Variants in CSDE1 observed in about 807,000 individuals in gnomAD.
CSDE1 encodes cold shock domain-containing protein E1.
In CSDE1, 17 loss-of-function variants were observed where a neutral mutation model predicts 89.3. The ratio of observed to expected loss-of-function variants is 0.19; its 90% confidence interval spans 0.13 to 0.29. CSDE1 has a LOEUF of 0.29. CSDE1 is among the 10% of genes least tolerant of loss of function. CSDE1 has a pLI of 1.00. For missense variants in CSDE1, 672 were observed against 984.2 expected (o/e 0.68, Z 4.24); for synonymous variants, 322 against 332.8 (o/e 0.97, Z 0.35).
At chr1:114,728,394 A>G (rs1047028430) in intron 12 of CSDE1, among the ~76,000 whole-genome samples, 7 of 152,216 alleles carry the variant, frequency 4.6e-5, no homozygotes, top group African/African-American at 1.7e-4. Context: ...TATACATCAA[A>G]TATATTAAAT....
chr1:114,745,168 G>A (rs1660948520), intron 2 of CSDE1, among the ~76,000 whole-genome samples: 2 of 152,090 alleles, frequency 1.3e-5, no homozygotes. Flanking sequence ...TTTTAGAAAT[G>A]CAATTTAGCA....
rs548000216 is a variant in CSDE1 at position 114,723,817 on chromosome 1, A to T, written c.1873+66T>A. 8 of 1,605,202 alleles carry T rather than the reference A, an allele frequency of 5.0e-6. No individual in the cohort carries two copies. In the East Asian group the frequency reaches 1.6e-4, roughly 31 times the overall value. ...CAACTGCAATAAGCACCATATTTTAAAACTTTATAGGTGCTCATCTGAAGT... is the reference window on the plus strand; with the variant it reads ...CAACTGCAATAAGCACCATATTTTATAACTTTATAGGTGCTCATCTGAAGT... On this transcript the variant is annotated intron_variant, in intron 16 of 19. Coordinates refer to ENST00000358528, the MANE Select transcript of CSDE1 (RefSeq NM_001007553.3).
At position 114,718,738 on chromosome 1, in the gene CSDE1, G is replaced by A. The variant is rs1659343779; in HGVS notation, c.2224C>T (p.Pro742Ser). The change falls in exon 19 of 20, where the codon CCC (proline) becomes TCC (serine). Residue 742 changes from proline (P) to serine (S), a missense_variant. By Grantham distance (74) the Pro-to-Ser change is moderately conservative (BLOSUM62 -1). Transcript: ENST00000358528. ...ACNVWRVCEGPKAVAAPRPDR... is the reference protein window; with the variant it reads ...ACNVWRVCEGSKAVAAPRPDR... ...GGTCGAGGAGCTGCAACAGCCTTGG[G>A]GCCCTCACTGTAATTAAGTCAAAAG... 1.9e-6 allele frequency: 3 copies of A among 1,613,822 alleles called. No homozygotes were observed. Among genetic ancestry groups the A allele is most frequent in the African/African-American group, 1.3e-5 (1 of 75,014 alleles).
intron 2 of CSDE1, chr1:114,746,470 T>A (rs559671491): frequency 6.6e-6 from 1 of 152,288 alleles, no homozygotes; most frequent in East Asian, 1.9e-4. Flanking sequence ...GTTAATCTAG[T>A]ATTCCAATTT....
At chr1:114,747,322 C>T (rs1347838440) in intron 2 of CSDE1, among the ~76,000 whole-genome samples, 1 of 152,156 alleles carries the variant, frequency 6.6e-6, no homozygotes, top group Non-Finnish European at 1.5e-5. Flanking sequence ...TAGCTGTGTG[C>T]CCCCTTTAAC....
intron 18 of CSDE1, 84 bp downstream of exon 18, chr1:114,719,495 A>T: frequency 7.4e-7 from 1 of 1,348,714 alleles, no homozygotes; most frequent in Admixed American, 2.4e-5. Context: ...GACAAGGCAC[A>T]GAAAAGTGAT....
chr1:114,718,076 T>C lies in CSDE1; in HGVS notation c.*93A>G, dbSNP rs1659286865. 7.8e-7 allele frequency: 1 copy of C among 1,281,438 alleles called. No individual in the cohort carries two copies. The highest frequency in any genetic ancestry group is 1.7e-5 in the Admixed American group (1 of 57,528). The allele number at this position is 1,281,438 out of a possible 1,614,324, so 79.4% of individuals were successfully genotyped here. ...CTCAATAGAATAAGTATTCCAGATT[T>C]CGGGAGGGATGAAGAGGGAGATATT... is the stretch of plus-strand genomic sequence containing the variant. On this transcript the variant is annotated 3_prime_UTR_variant, in exon 20 of 20. Coordinates refer to ENST00000358528, the MANE Select transcript of CSDE1 (RefSeq NM_001007553.3).
chr1:114,726,968 G>A lies in CSDE1; in HGVS notation c.1464+15C>T, dbSNP rs2101025005. 1 of 1,542,084 alleles carries A rather than the reference G, an allele frequency of 6.5e-7. No homozygotes were observed. The highest frequency in any genetic ancestry group is 9.0e-7 in the Non-Finnish European group (1 of 1,114,978). The stretch of plus-strand genomic sequence containing the variant: ...CAACTCTTAACCCTCTCTCGAATGA[G>A]CAGAATTATCTTGCCTTATCTCCTA... On this transcript the variant is annotated intron_variant, in intron 13 of 19. Transcript: ENST00000358528.
chr1:114,756,065 G>C (rs765909146), intron 1 of CSDE1, among the ~76,000 whole-genome samples: 3 of 152,198 alleles, frequency 2.0e-5, no homozygotes, highest in Non-Finnish European at 4.4e-5. Context: ...GGGAAAATAA[G>C]GGTAGAGGGT....
intron 16 of CSDE1, 64 bp from the exon 17 acceptor site, chr1:114,720,781 G>A (rs1659473218): frequency 2.8e-6 from 4 of 1,440,164 alleles, no homozygotes; most frequent in Non-Finnish European, 3.8e-6. Context: ...GATGACCCTA[G>A]GAAGTTTATA....
chr1:114,735,470 G>A (rs1235255824), intron 6 of CSDE1, among the ~76,000 whole-genome samples: 1 of 152,134 alleles, frequency 6.6e-6, no homozygotes, highest in Non-Finnish European at 1.5e-5. Flanking sequence ...TATGAACATC[G>A]ACAAGTAACT....
chr1:114,737,827 T>C, intron 4 of CSDE1, 136 bp downstream of exon 4: 2 of 680,774 alleles, frequency 2.9e-6, no homozygotes, highest in Non-Finnish European at 5.0e-6. Context: ...TTTTGATTAA[T>C]TTTAAAATAG....
chr1:114,747,006 A>G (rs1227777357), intron 2 of CSDE1: 1 of 152,146 alleles, frequency 6.6e-6, no homozygotes, highest in African/African-American at 2.4e-5. Flanking sequence ...TTGCTTTGCT[A>G]TGTTTCAAGT....
chr1:114,733,627 C>A lies in CSDE1; in HGVS notation c.837+105G>T, dbSNP rs193231702. The A allele has an allele frequency of 2.1e-4, 209 of 993,530 alleles. 1 individual carries two copies. The East Asian group carries it at 4.5e-3, about 22-fold the overall frequency. 61.5% of individuals were successfully genotyped at this position (993,530 alleles called of 1,614,324 possible). A position where few individuals can be genotyped will look rare whatever the true frequency, so the allele number is the denominator to read the frequency against. The stretch of plus-strand genomic sequence containing the variant: ...TAACAAGAGGTCCTTAGTTGTTCCA[C>A]TACCACATTATATTAACTGAATAAG... On this transcript the variant is annotated intron_variant, in intron 9 of 19. Transcript: ENST00000358528.
rs75534734 is a variant in CSDE1 at position 114,728,652 on chromosome 1, G to C, written c.1357-1562C>G. Among the ~76,000 whole-genome samples, 94 of 152,276 alleles carry C rather than the reference G, an allele frequency of 6.2e-4. 2 individuals carry two copies. The East Asian group carries it at 0.016, about 26-fold the overall frequency. On this transcript the variant is annotated intron_variant, in intron 12 of 19. Transcript: ENST00000358528. ...AAGAATTAAAAGTTATTAAAAATAA[G>C]CCCAACTGAAGTGTATTTTTATTTT...
intron 10 of CSDE1, among the ~76,000 whole-genome samples, chr1:114,731,646 T>C (rs907432731): frequency 6.6e-6 from 1 of 152,196 alleles, no homozygotes; most frequent in Admixed American, 6.5e-5. Context: ...CTGGTTGGTT[T>C]ATGCCACTCC....
rs75685709 is a variant in CSDE1, at chr1:114,739,518, T to C, written c.199+174A>G. 3.8e-3 allele frequency among the ~76,000 whole-genome samples: 579 copies of C among 152,300 alleles called. 15 individuals carry two copies. The highest frequency in any genetic ancestry group is 0.032 in the Admixed American group (496 of 15,296). ...AGCATTTATTGTAAATATATGCAAA[T>C]ATAATCTTTCAAGGATTCTGCTGGT... On this transcript the variant is annotated intron_variant, in intron 3 of 19. Coordinates refer to ENST00000358528, the MANE Select transcript of CSDE1 (RefSeq NM_001007553.3).
At chr1:114,733,350 A>AC (rs1660207579) in intron 9 of CSDE1, among the ~76,000 whole-genome samples, 2 of 151,998 alleles carry the variant, frequency 1.3e-5, no homozygotes, top group South Asian at 4.1e-4. Flanking sequence ...ACAGGGTGAA[A>AC]CCCCGTCTTT....
chr1:114,735,864 T>TC (rs1195779533), intron 6 of CSDE1, among the ~76,000 whole-genome samples: 3 of 152,140 alleles, frequency 2.0e-5, no homozygotes, highest in African/African-American at 7.2e-5. Context: ...TCTATATACT[T>TC]CCCCTATAGG....
Sources: allele counts gnomAD v4.1 joint callset (sites outside exome capture counted in the v4.1 genomes callset), GRCh38; gene constraint gnomAD v4.1.1; transcripts MANE v1.5; gene names NCBI Gene and HGNC (gene_info 2026-07-23, HGNC 2026-07-21).